HCRTR2: variants seen among roughly 807,000 people sequenced by gnomAD.
HCRTR2 encodes the protein hypocretin receptor 2.
Under a neutral mutation model 49.0 loss-of-function variants are expected in HCRTR2, and 22 were observed. The observed-to-expected ratio is 0.45, with a 90% CI of 0.32 to 0.64. The LOEUF is 0.64. Ranked by LOEUF, HCRTR2 falls within the 30% of genes least tolerant of loss-of-function variation. The pLI is 0.04. For missense variants in HCRTR2, 491 were observed against 559.4 expected (o/e 0.88, Z 1.23); for synonymous variants, 236 against 205.3 (o/e 1.15, Z -1.28).
intron 1 of HCRTR2, 130 bp from the exon 2 acceptor site, chr6:55,248,507 AAC>A: frequency 1.3e-6 from 1 of 757,648 alleles, no homozygotes; most frequent in Non-Finnish European, 2.3e-6. Context: ...ATTCAGTGAA[AAC>A]ACGGCACAGC....
chr6:55,269,532 A>T (rs1468894627), intron 4 of HCRTR2, among the ~76,000 whole-genome samples: 4 of 152,312 alleles, frequency 2.6e-5, no homozygotes, highest in Non-Finnish European at 4.4e-5. Context: ...TGAAAGATTA[A>T]TATATATACA....
At chr6:55,179,399 A>T (rs947255268) in intron 1 of HCRTR2, among the ~76,000 whole-genome samples, 12 of 152,214 alleles carry the variant, frequency 7.9e-5, no homozygotes, top group Non-Finnish European at 1.2e-4. Context: ...TAGTTTTAAA[A>T]TGCAAACATG....
At chr6:55,208,319 T>TAAAAAAAAAA (rs561714147) in intron 1 of HCRTR2, among the ~76,000 whole-genome samples, 6 of 126,710 alleles carry the variant, frequency 4.7e-5, no homozygotes, top group Admixed American at 8.1e-5. Context: ...CTACGAAAAA[T>TAAAAAAAAAA]AAAAAAATAA....
chr6:55,196,839 A>T (rs1272372873), intron 1 of HCRTR2, among the ~76,000 whole-genome samples: 3 of 152,160 alleles, frequency 2.0e-5, no homozygotes, highest in South Asian at 4.1e-4. Context: ...TTATGTAGAG[A>T]TTAGAGTGAG....
intron 4 of HCRTR2, 191 bp downstream of exon 4, chr6:55,264,013 C>A (rs969094007): frequency 8.9e-6 from 5 of 559,894 alleles, no homozygotes; most frequent in Non-Finnish European, 9.5e-6. Context: ...TAATGAGAAC[C>A]CAGACATAGA....
chr6:55,257,467 T>C (rs1030059523), intron 3 of HCRTR2, among the ~76,000 whole-genome samples: 1 of 152,098 alleles, frequency 6.6e-6, no homozygotes, highest in Non-Finnish European at 1.5e-5. Flanking sequence ...TTTTCTCTAA[T>C]ATTCCGGCAA....
intron 1 of HCRTR2, among the ~76,000 whole-genome samples, chr6:55,234,866 C>T (rs529918364): frequency 6.6e-6 from 1 of 152,158 alleles, no homozygotes; most frequent in Admixed American, 6.5e-5. Context: ...CAGAAATTTG[C>T]ACATATGTGT....
chr6:55,282,575 T>A lies in HCRTR2; in HGVS notation c.*121T>A, dbSNP rs78522637. 32 of 654,280 alleles carry A rather than the reference T, an allele frequency of 4.9e-5. No homozygotes were observed. The highest frequency in any genetic ancestry group is 8.1e-5 in the Non-Finnish European group (30 of 372,500). 40.5% of individuals were successfully genotyped at this position (654,280 alleles called of 1,614,324 possible). On this transcript the variant is annotated 3_prime_UTR_variant, in exon 7 of 7. Transcript: ENST00000370862. ...ATTACTTGTGGATCTTTTTTTTTTTTAATCTATTGCTCTTTGGAAATAAAA... is the reference window on the plus strand; with the variant it reads ...ATTACTTGTGGATCTTTTTTTTTTTAAATCTATTGCTCTTTGGAAATAAAA...
intron 1 of HCRTR2, among the ~76,000 whole-genome samples, chr6:55,184,021 AG>A (rs1297067403): frequency 1.3e-5 from 2 of 151,936 alleles, no homozygotes; most frequent in Non-Finnish European, 2.9e-5. Context: ...TCCGCCTTCC[AG>A]GTCCCAGTGA....
At position 55,277,445 on chromosome 6, in the gene HCRTR2, A is replaced by T. The variant is rs201833149; in HGVS notation, c.828A>T (p.Arg276=). The change falls in exon 5 of 7, where the codon CGA becomes CGT. Residue 276 remains arginine (R), a synonymous_variant. Transcript: ENST00000370862. ...WKPLQPVSQP[R]GPGQPTKSRM... ...CCCTGCAGCCTGTTTCACAGCCTCG[A>T]GGGCCAGGACAGCCAACGAAGTCCC... is the stretch of plus-strand genomic sequence containing the variant. 37 of 1,614,112 alleles carry T rather than the reference A, an allele frequency of 2.3e-5. No homozygotes were observed. Among genetic ancestry groups the T allele is most frequent in the Non-Finnish European group, 3.1e-5 (36 of 1,179,996 alleles).
At chr6:55,151,632 C>G (rs180776246) in intron 1 of HCRTR2, among the ~76,000 whole-genome samples, 1 of 152,092 alleles carries the variant, frequency 6.6e-6, no homozygotes, top group Non-Finnish European at 1.5e-5. Context: ...CTTCCAAACT[C>G]CTGTTAATGT....
intron 4 of HCRTR2, among the ~76,000 whole-genome samples, chr6:55,271,616 T>G (rs1248574109): frequency 1.3e-5 from 2 of 151,934 alleles, no homozygotes; most frequent in African/African-American, 2.4e-5. Context: ...ATGCAGAAAA[T>G]ATTTGCAAAT....
intron 1 of HCRTR2, among the ~76,000 whole-genome samples, chr6:55,138,353 A>G (rs1023306721): frequency 1.3e-5 from 2 of 152,178 alleles, no homozygotes; most frequent in Non-Finnish European, 2.9e-5. Context: ...AAAATTCTGT[A>G]AATCTGAGAT....
At chr6:55,149,485 T>C (rs1317626352) in intron 1 of HCRTR2, among the ~76,000 whole-genome samples, 1 of 152,122 alleles carries the variant, frequency 6.6e-6, no homozygotes, top group Non-Finnish European at 1.5e-5. Context: ...TGTTCTCTTC[T>C]TTCTATAAAG....
rs74539220 is a variant in HCRTR2 at position 55,135,204 on chromosome 6, A to G, written c.-378+28659A>G. The stretch of plus-strand genomic sequence containing the variant: ...TTGGGTTTGGAACAAGGAAATATAC[A>G]GGATTAAAAATGACTTTGAGGTCTC... On this transcript the variant is annotated intron_variant, in intron 1 of 7. Coordinates refer to the HCRTR2 transcript ENST00000615358. 5.4e-3 allele frequency among the ~76,000 whole-genome samples: 819 copies of G among 152,240 alleles called. 7 individuals are homozygous for G. The highest frequency in any genetic ancestry group is 0.017 in the Middle Eastern group (5 of 294).
At chr6:55,143,122 A>ATTTTTTTTTTTTTTTTTTTTTTTT in intron 1 of HCRTR2, among the ~76,000 whole-genome samples, 2 of 150,204 alleles carry the variant, frequency 1.3e-5, no homozygotes, top group African/African-American at 4.9e-5. Context: ...GACCATTCAA[A>ATTTTTTTTTTTTTTTTTTTTTTTT]TATTTTTTAA....
rs112521597 is a variant in HCRTR2, at chr6:55,282,563, C to CT, written c.*121dup. The stretch of plus-strand genomic sequence containing the variant: ...TGTGAAGCTAAAATTACTTGTGGAT[C>CT]TTTTTTTTTTTTAATCTATTGCTCT... On this transcript the variant is annotated 3_prime_UTR_variant, in exon 7 of 7. Coordinates refer to ENST00000370862, the MANE Select transcript of HCRTR2 (RefSeq NM_001384272.1). 0.02 allele frequency: 10,950 copies of CT among 537,416 alleles called. 142 individuals are homozygous for CT. The highest frequency in any genetic ancestry group is 0.085 in the African/African-American group (4,187 of 49,066). The allele number at this position is 537,416 out of a possible 1,614,324, so 33.3% of individuals were successfully genotyped here. A position where few individuals can be genotyped will look rare whatever the true frequency, so the allele number is the denominator to read the frequency against.
At chr6:55,282,138 A>ATTGTT in intron 6 of HCRTR2, 87 bp from the exon 7 acceptor site, 4 of 938,476 alleles carry the variant, frequency 4.3e-6, no homozygotes, top group South Asian at 4.2e-5. Context: ...AGTTTGGCTC[A>ATTGTT]AGGGAGCAAC....
intron 4 of HCRTR2, among the ~76,000 whole-genome samples, chr6:55,265,146 T>C (rs897837073): frequency 1.3e-5 from 2 of 152,126 alleles, no homozygotes; most frequent in African/African-American, 4.8e-5. Context: ...TTTCCCATCA[T>C]TTTTTACTAT....
Sources: allele counts gnomAD v4.1 joint callset (sites outside exome capture counted in the v4.1 genomes callset), GRCh38; gene constraint gnomAD v4.1.1; transcripts MANE v1.5; gene names NCBI Gene and HGNC (gene_info 2026-07-23, HGNC 2026-07-21).